DYSF: variants seen among roughly 807,000 people sequenced by gnomAD.
DYSF encodes the protein dysferlin, also known as dystrophy-associated fer-1-like 1.
In DYSF, 212 loss-of-function variants were observed where a neutral mutation model predicts 274.9. That is an observed-to-expected ratio of 0.77 (90% CI 0.69 to 0.86). The LOEUF (loss-of-function observed/expected upper bound fraction) is 0.86, where lower values mean the gene tolerates loss of function less well. Among genes scored for constraint, DYSF ranks in the 40% least tolerant of loss-of-function variants. DYSF has a pLI of 0.00. For missense variants in DYSF, 2,666 were observed against 2,783.2 expected (o/e 0.96, Z 0.95); for synonymous variants, 1,091 against 1,078.7 (o/e 1.01, Z -0.22).
intron 30 of DYSF, among the ~76,000 whole-genome samples, chr2:71,582,760 T>A (rs1191750669): frequency 6.6e-6 from 1 of 152,180 alleles, no homozygotes; most frequent in Non-Finnish European, 1.5e-5. Flanking sequence ...GCTAGCAATG[T>A]GGCACCACTG....
chr2:71,682,996 G>T (rs2095314596), intron 55 of DYSF, among the ~76,000 whole-genome samples: 1 of 152,238 alleles, frequency 6.6e-6, no homozygotes, highest in Admixed American at 6.5e-5. Flanking sequence ...TTGGGTTGCG[G>T]TGGGCAGGGG....
rs141403046 is a variant in DYSF, at chr2:71,572,525, C to T, written c.3229-1673C>T. ...GGCAGAAGCTAAGACGTAGATTTGG[C>T]TGCACATTATTGGGGCAGTGCCCTC... On this transcript the variant is annotated intron_variant, in intron 29 of 55. Coordinates refer to ENST00000410020, the MANE Select transcript of DYSF (RefSeq NM_001130987.2). Among the ~76,000 whole-genome samples the T allele has an allele frequency of 1.8e-3, 271 of 152,358 alleles. 4 individuals carry two copies. The highest frequency in any genetic ancestry group is 6.4e-3 in the East Asian group (33 of 5,186).
At chr2:71,681,579 C>T (rs2095297077) in intron 54 of DYSF, among the ~76,000 whole-genome samples, 1 of 152,206 alleles carries the variant, frequency 6.6e-6, no homozygotes, top group Non-Finnish European at 1.5e-5. Flanking sequence ...CCTATGGTGC[C>T]AGTGTGACTT....
intron 16 of DYSF, among the ~76,000 whole-genome samples, chr2:71,538,157 T>TGTAGTACCTACCTG (rs1360876809): frequency 6.6e-6 from 1 of 152,254 alleles, no homozygotes; most frequent in Non-Finnish European, 1.5e-5. Context: ...TGGGGCTAAT[T>TGTAGTACCTACCTG]GTAGTACCTA....
chr2:71,622,904 C>T (rs917452979), intron 41 of DYSF, among the ~76,000 whole-genome samples: 6 of 152,176 alleles, frequency 3.9e-5, no homozygotes, highest in South Asian at 4.1e-4. Context: ...TGTGAGCCAC[C>T]GCACCTAGCT....
intron 53 of DYSF, among the ~76,000 whole-genome samples, chr2:71,679,676 C>T (rs2095272168): frequency 6.6e-6 from 1 of 152,148 alleles, no homozygotes; most frequent in Non-Finnish European, 1.5e-5. Context: ...CGTCCTTCCC[C>T]TGAGTCCACA....
chr2:71,562,150 T>C (rs1559163460), intron 23 of DYSF, among the ~76,000 whole-genome samples: 1 of 152,190 alleles, frequency 6.6e-6, no homozygotes, highest in Non-Finnish European at 1.5e-5. Flanking sequence ...CTGGGTGTTA[T>C]GGGGCCCAGC....
At chr2:71,478,459 C>A (rs60636246) in intron 1 of DYSF, among the ~76,000 whole-genome samples, 4 of 152,198 alleles carry the variant, frequency 2.6e-5, no homozygotes, top group African/African-American at 9.6e-5. Context: ...GATCCACCCA[C>A]CTCAGCCTCC....
chr2:71,624,018 G>A (rs181469309), intron 41 of DYSF, among the ~76,000 whole-genome samples: 58 of 152,298 alleles, frequency 3.8e-4, no homozygotes, highest in African/African-American at 1.2e-3. Context: ...GCGGTGAGCC[G>A]TGATAGCATC....
At chr2:71,580,038 C>A (rs2092833951) in intron 30 of DYSF, among the ~76,000 whole-genome samples, 1 of 152,246 alleles carries the variant, frequency 6.6e-6, no homozygotes, top group Non-Finnish European at 1.5e-5. Context: ...GACCAGCAGC[C>A]AAACCCCATC....
Position 71,528,362 on chromosome 2 carries a change from G to A in DYSF, c.1341G>A (p.Leu447=), listed in dbSNP as rs1553531841. The stretch of plus-strand genomic sequence containing the variant: ...GCTTCGAGAGTAACAAGAAGAACTT[G>A]GTGGACCCCTTTGTGGAGGTCAGCT... ...IFGFESNKKN[L]VDPFVEVSFA... The change falls in exon 14 of 56, where the codon TTG becomes TTA. Residue 447 remains leucine, a synonymous_variant. Transcript: ENST00000410020. The A allele has an allele frequency of 6.2e-7, 1 of 1,614,070 alleles. No individual in the cohort carries two copies. The highest frequency in any genetic ancestry group is 1.7e-5 in the Admixed American group (1 of 59,998).
intron 41 of DYSF, among the ~76,000 whole-genome samples, chr2:71,631,224 G>A (rs2094307634): frequency 6.6e-6 from 1 of 152,186 alleles, no homozygotes; most frequent in Admixed American, 6.5e-5. Context: ...CTTCATGGTT[G>A]CACCTCTGAG....
At chr2:71,610,472 C>T (rs1277425715) in intron 36 of DYSF, among the ~76,000 whole-genome samples, 1 of 152,216 alleles carries the variant, frequency 6.6e-6, no homozygotes. Flanking sequence ...CTATCTAAGG[C>T]AGTACCTGCC....
chr2:71,672,627 G>A (rs1573122981), intron 51 of DYSF, among the ~76,000 whole-genome samples: 2 of 152,308 alleles, frequency 1.3e-5, no homozygotes, highest in Non-Finnish European at 1.5e-5. Flanking sequence ...GGGACCTGGG[G>A]GGGTTCATTC....
Position 71,602,800 on chromosome 2 carries a change from G to A in DYSF, c.3952G>A (p.Asp1318Asn), listed in dbSNP as rs757444840. ...FEVQETSRILDESEDTDLPYP... is the reference protein window; with the variant it reads ...FEVQETSRILNESEDTDLPYP... ...GGTGCAGGAGACATCAAGGATCCTG[G>A]ATGAGGTGAGCTGGGCGTGGTGGTT... is the stretch of plus-strand genomic sequence containing the variant. Residue 1318 changes from aspartate to asparagine, a missense_variant, in exon 36 of 56, where the codon GAT (aspartate) becomes AAT (asparagine). Physicochemically the swap from Asp to Asn is conservative, Grantham distance 23. Coordinates refer to ENST00000410020, the MANE Select transcript of DYSF (RefSeq NM_001130987.2). The A allele has an allele frequency of 2.5e-6, 4 of 1,613,326 alleles. No individual in the cohort carries two copies. The highest frequency in any genetic ancestry group is 3.4e-6 in the Non-Finnish European group (4 of 1,179,920).
chr2:71,553,399 T>C (rs1398520645), intron 20 of DYSF, among the ~76,000 whole-genome samples: 3 of 152,340 alleles, frequency 2.0e-5, no homozygotes, highest in Admixed American at 6.5e-5. Context: ...GGACCAGCTG[T>C]GGTCAGCATT....
chr2:71,528,231 G>A lies in DYSF; in HGVS notation c.1277-67G>A, dbSNP rs76703207. 135 of 1,412,742 alleles carry A rather than the reference G, an allele frequency of 9.6e-5. No homozygotes were observed. In the East Asian group the frequency reaches 1.6e-3, roughly 16 times the overall value. The allele number at this position is 1,412,742 out of a possible 1,614,324, so 87.5% of individuals were successfully genotyped here. On this transcript the variant is annotated intron_variant, in intron 13 of 55. Coordinates refer to ENST00000410020, the MANE Select transcript of DYSF (RefSeq NM_001130987.2). Reference sequence around the variant, plus strand: ...GTCCCAGGACTGCCTGGAGACAGATGGGGGACAGTCAGGGTTTTAGAGGAG... The same window carrying A: ...GTCCCAGGACTGCCTGGAGACAGATAGGGGACAGTCAGGGTTTTAGAGGAG...
At position 71,615,951 on chromosome 2, in the gene DYSF, C is replaced by G. The variant is rs899425550; in HGVS notation, c.4464+2541C>G. On this transcript the variant is annotated intron_variant, in intron 40 of 55. Coordinates refer to ENST00000410020, the MANE Select transcript of DYSF (RefSeq NM_001130987.2). This position sits in a 1 kb window ranked among gnomAD's most constrained non-coding sequence, Gnocchi z 4.9. ...TGTCCTGGCTGTGGTCCTAGGACCC[C>G]TCCTAGCTCAAACCTGCTCTTGCCA... Among the ~76,000 whole-genome samples the G allele has an allele frequency of 6.6e-6, 1 of 152,180 alleles. No individual in the cohort carries two copies. Among genetic ancestry groups the G allele is most frequent in the Non-Finnish European group, 1.5e-5 (1 of 68,040 alleles).
rs780906230 is a variant in DYSF, at chr2:71,503,327, C to T, written c.345+8C>T. ...AAGAAGCAGCCCACAGGGGTAAGTG[C>T]CCATCAGCCTCTGCCAGGTTAAGGT... On this transcript the variant is annotated splice_region_variant and intron_variant, in intron 4 of 55. Transcript: ENST00000410020. 3.7e-6 allele frequency: 6 copies of T among 1,613,688 alleles called. No individual in the cohort carries two copies. The Admixed American group carries it at 6.7e-5, about 18-fold the overall frequency.
Sources: gnomAD v4.1 joint callset for allele counts (sites outside exome capture counted in the v4.1 genomes callset) on GRCh38, gnomAD v4.1.1 for gene constraint, Gnocchi (gnomAD v3.1) non-coding constraint, MANE v1.5 for transcripts, NCBI Gene and HGNC (gene_info 2026-07-23, HGNC 2026-07-21) for gene names.